Variants in TMPPE observed in about 807,000 individuals in gnomAD.
TMPPE encodes transmembrane protein with metallophosphoesterase domain.
A neutral mutation model predicts 22.6 loss-of-function variants in TMPPE; 16 were observed. The observed-to-expected ratio is 0.71, with a 90% CI of 0.48 to 1.08. The LOEUF is 1.08. TMPPE is among the 50% of genes least tolerant of loss of function. TMPPE has a pLI of 0.00. For synonymous variants in TMPPE, 240 were observed against 245.3 expected (o/e 0.98, Z 0.20); for missense variants, 526 against 584.3 (o/e 0.90, Z 1.03).
chr3:33,092,881 C>G lies in TMPPE; in HGVS notation c.1315G>C (p.Gly439Arg). 1 of 1,613,436 alleles carries G rather than the reference C, an allele frequency of 6.2e-7. No individual in the cohort carries two copies. Among genetic ancestry groups the G allele is most frequent in the Non-Finnish European group, 8.5e-7 (1 of 1,179,640 alleles). The change falls in exon 2 of 2, where the codon GGT becomes CGT. Residue 439 changes from glycine (G) to arginine (R), a missense_variant. Coordinates refer to ENST00000342462, the MANE Select transcript of TMPPE (RefSeq NM_001039770.3). ...AGCTCTGTGATCTCGGCCCTGCTAC[C>G]CAGCCTCATGGGTATCCCGTAGTAG... ...TAYYGIPMRL[G>R]SRAEITELIL...
Position 33,091,633 on chromosome 3 carries a change from G to A in TMPPE, c.*1201C>T. 1.0e-6 allele frequency: 1 copy of A among 984,284 alleles called. No homozygotes were observed. Among genetic ancestry groups the A allele is most frequent in the South Asian group, 4.7e-5 (1 of 21,270 alleles). The allele number at this position is 984,284 out of a possible 1,614,324, so 61.0% of individuals were successfully genotyped here. ...TCCCTCCTGACAAAACAATCTTGAG[G>A]TAGATACGATAATTATCCCCATTTT... On this transcript the variant is annotated 3_prime_UTR_variant, in exon 2 of 2. Transcript: ENST00000342462.
At position 33,096,808 on chromosome 3, in the gene TMPPE, A is replaced by G; in HGVS notation, c.-198T>C. Reference sequence around the variant, plus strand: ...ACGCACAAGCGACCGAGCTGCCTGGAAGGACGCGCGCCCCGCCCGGCCCGC... The same window carrying G: ...ACGCACAAGCGACCGAGCTGCCTGGGAGGACGCGCGCCCCGCCCGGCCCGC... On this transcript the variant is annotated 5_prime_UTR_variant, in exon 1 of 2. Transcript: ENST00000342462. 7.3e-7 allele frequency: 1 copy of G among 1,360,576 alleles called. No homozygotes were observed. The highest frequency in any genetic ancestry group is 9.4e-7 in the Non-Finnish European group (1 of 1,060,820). The allele number at this position is 1,360,576 out of a possible 1,614,324, so 84.3% of individuals were successfully genotyped here.
rs148801297 is a variant in TMPPE, at chr3:33,093,740, G to A, written c.456C>T (p.Val152=). Residue 152 remains valine (V), a synonymous_variant, in exon 2 of 2, where the codon GTC becomes GTT. Transcript: ENST00000342462. This position sits in a 1 kb window ranked among gnomAD's most constrained non-coding sequence, Gnocchi z 6.0. Reference sequence around the variant, plus strand: ...TCCTTGTCTTCTCAAGGCTGCCCACGACCCTACCACTGCGCCAGGCCAAGA... The same window carrying A: ...TCCTTGTCTTCTCAAGGCTGCCCACAACCCTACCACTGCGCCAGGCCAAGA... The part of the protein sequence containing the change: ...YQLLAWRSGR[V]VGSLEKTRKL... 148 of 1,613,854 alleles carry A rather than the reference G, an allele frequency of 9.2e-5. No homozygotes were observed. The highest frequency in any genetic ancestry group is 2.2e-4 in the Admixed American group (13 of 59,974).
At position 33,090,521 on chromosome 3, in the gene TMPPE, T is replaced by C. The variant is rs1700707858; in HGVS notation, c.*2313A>G. 2.0e-6 allele frequency: 2 copies of C among 985,432 alleles called. No homozygotes were observed. The highest frequency in any genetic ancestry group is 2.4e-6 in the Non-Finnish European group (2 of 829,924). 61.0% of individuals were successfully genotyped at this position (985,432 alleles called of 1,614,324 possible). A position where few individuals can be genotyped will look rare whatever the true frequency, so the allele number is the denominator to read the frequency against. On this transcript the variant is annotated 3_prime_UTR_variant, in exon 2 of 2. Coordinates refer to ENST00000342462, the MANE Select transcript of TMPPE (RefSeq NM_001039770.3). The stretch of plus-strand genomic sequence containing the variant: ...ATTTTCAAAAAGCATTGCATTTCAA[T>C]TTGCATCTAACAGATTAAAAATAAA...
At position 33,092,112 on chromosome 3, in the gene TMPPE, A is replaced by C; in HGVS notation, c.*722T>G. 1 of 985,474 alleles carries C rather than the reference A, an allele frequency of 1.0e-6. No homozygotes were observed. Among genetic ancestry groups the C allele is most frequent in the Non-Finnish European group, 1.2e-6 (1 of 830,000 alleles). 61.0% of individuals were successfully genotyped at this position (985,474 alleles called of 1,614,324 possible). A position where few individuals can be genotyped will look rare whatever the true frequency, so the allele number is the denominator to read the frequency against. The stretch of plus-strand genomic sequence containing the variant: ...GGAGGCAAAGCCCTCTGAATTCCTA[A>C]GCAGCCATGTTCTCACCATCACCGA... On this transcript the variant is annotated 3_prime_UTR_variant, in exon 2 of 2. Transcript: ENST00000342462.
At position 33,091,012 on chromosome 3, in the gene TMPPE, ATAACACG is replaced by A; in HGVS notation, c.*1815_*1821del. ...GATGTAAAATCAAGAAACCAGTGAAATAACACGTAACAGGTGAGTCAAACATTACCAG... is the reference window on the plus strand; with the variant it reads ...GATGTAAAATCAAGAAACCAGTGAAATAACAGGTGAGTCAAACATTACCAG... On this transcript the variant is annotated 3_prime_UTR_variant, in exon 2 of 2. Coordinates refer to ENST00000342462, the MANE Select transcript of TMPPE (RefSeq NM_001039770.3). 4.1e-6 allele frequency: 4 copies of A among 985,452 alleles called. No homozygotes were observed. Among genetic ancestry groups the A allele is most frequent in the Non-Finnish European group, 4.8e-6 (4 of 829,924 alleles). The allele number at this position is 985,452 out of a possible 1,614,324, so 61.0% of individuals were successfully genotyped here.
At chr3:33,096,507 A>G in intron 1 of TMPPE, 1 of 985,270 alleles carries the variant, frequency 1.0e-6, no homozygotes, top group Non-Finnish European at 1.2e-6. Flanking sequence ...AAGGAACAAG[A>G]TGCACGAAGA....
In TMPPE at chr3:33,094,315, A is replaced by G. The variant is rs1700911321; in HGVS notation, c.-108-12T>C. On this transcript the variant is annotated splice_polypyrimidine_tract_variant and intron_variant, in intron 1 of 1. Coordinates refer to ENST00000342462, the MANE Select transcript of TMPPE (RefSeq NM_001039770.3). ...CAGGTCAACTCCGCCTGCAACCAGGAACCAGCATCAGCTTTGTGGGATATT... is the reference window on the plus strand; with the variant it reads ...CAGGTCAACTCCGCCTGCAACCAGGGACCAGCATCAGCTTTGTGGGATATT... The G allele has an allele frequency of 1.4e-6, 2 of 1,478,094 alleles. No individual in the cohort carries two copies. Among genetic ancestry groups the G allele is most frequent in the Non-Finnish European group, 9.0e-7 (1 of 1,115,318 alleles). 91.6% of individuals were successfully genotyped at this position (1,478,094 alleles called of 1,614,324 possible).
At position 33,093,525 on chromosome 3, in the gene TMPPE, G is replaced by A; in HGVS notation, c.671C>T (p.Thr224Ile). Residue 224 changes from threonine (T) to isoleucine (I), a missense_variant, in exon 2 of 2, where the codon ACC becomes ATC. Transcript: ENST00000342462. The surrounding 1 kb of genome is among the most constrained non-coding windows in gnomAD (Gnocchi z 6.0). ...CATCCTCACAAACATTTCCATCTTG[G>A]TCCTGCCCACTGTGGGGCCCAAGTG... is the stretch of plus-strand genomic sequence containing the variant. ...DIHLGPTVGR[T>I]KMEMFVRMVN... The A allele has an allele frequency of 6.2e-7, 1 of 1,614,178 alleles. No individual in the cohort carries two copies. Among genetic ancestry groups the A allele is most frequent in the South Asian group, 1.1e-5 (1 of 91,080 alleles).
At position 33,094,141 on chromosome 3, in the gene TMPPE, T is replaced by C. The variant is rs1435533349; in HGVS notation, c.55A>G (p.Thr19Ala). 6.2e-7 allele frequency: 1 copy of C among 1,613,438 alleles called. No homozygotes were observed. Among genetic ancestry groups the C allele is most frequent in the Non-Finnish European group, 8.5e-7 (1 of 1,179,390 alleles). ...GAGGCGATCATGGACACGAAGACAG[T>C]GACAGCAGCCAGGGTGGCCTTCGCG... ...LGAKATLAAV[T>A]VFVSMIASRS... Residue 19 changes from threonine to alanine, a missense_variant, in exon 2 of 2, where the codon ACT becomes GCT. Physicochemically the swap from Thr to Ala is moderately conservative, Grantham distance 58. Coordinates refer to ENST00000342462, the MANE Select transcript of TMPPE (RefSeq NM_001039770.3).
Position 33,092,612 on chromosome 3 carries a change from C to T in TMPPE, c.*222G>A. On this transcript the variant is annotated 3_prime_UTR_variant, in exon 2 of 2. Transcript: ENST00000342462. ...AATATATGTGACCTTAGTGATCTCA[C>T]AAGTGCATCAAAAAAAGCAACTGGC... The T allele has an allele frequency of 7.4e-7, 1 of 1,359,302 alleles. No individual in the cohort carries two copies. The highest frequency in any genetic ancestry group is 9.5e-7 in the Non-Finnish European group (1 of 1,056,690). 84.2% of individuals were successfully genotyped at this position (1,359,302 alleles called of 1,614,324 possible).
rs61734781 is a variant in TMPPE, at chr3:33,093,659, G to C, written c.537C>G (p.Ala179=). 3.7e-6 allele frequency: 6 copies of C among 1,613,966 alleles called. No individual in the cohort carries two copies. Among genetic ancestry groups the C allele is most frequent in the Non-Finnish European group, 5.1e-6 (6 of 1,180,020 alleles). ...GGGGCTGCGCGGCATTCAGAATCCC[G>C]GCCACGCTGAGCACAGCAGTCACTC... The part of the protein sequence containing the change: ...AVGVTAVLSV[A]GILNAAQPPA... Residue 179 remains alanine, a synonymous_variant, in exon 2 of 2, where the codon GCC becomes GCG. Transcript: ENST00000342462. The surrounding 1 kb of genome is among the most constrained non-coding windows in gnomAD (Gnocchi z 6.0).
Position 33,093,900 on chromosome 3 carries a change from C to G in TMPPE, c.296G>C (p.Ser99Thr), listed in dbSNP as rs1266099614. The G allele has an allele frequency of 3.7e-6, 6 of 1,613,894 alleles. No homozygotes were observed. The highest frequency in any genetic ancestry group is 5.1e-6 in the Non-Finnish European group (6 of 1,179,978). ...CACTAAAAAGAACATGGTAAAGAAACTGGAATGGGCCAGGGCCAGAAATGC... is the reference window on the plus strand; with the variant it reads ...CACTAAAAAGAACATGGTAAAGAAAGTGGAATGGGCCAGGGCCAGAAATGC... ...VLAFLALAHSSFFTMFFLVAE... is the reference protein window; with the variant it reads ...VLAFLALAHSTFFTMFFLVAE... The change falls in exon 2 of 2, where the codon AGT becomes ACT. Residue 99 changes from serine (S) to threonine (T), a missense_variant. By Grantham distance (58) the Ser-to-Thr change is moderately conservative (BLOSUM62 1). Transcript: ENST00000342462. The surrounding 1 kb of genome is among the most constrained non-coding windows in gnomAD (Gnocchi z 6.0).
chr3:33,095,226 AAAAAAAAAAG>A (rs1269718811), intron 1 of TMPPE, among the ~76,000 whole-genome samples: 7 of 151,382 alleles, frequency 4.6e-5, no homozygotes, highest in African/African-American at 1.5e-4. Context: ...AAAAAAAAAA[AAAAAAAAAAG>A]GAATATTCTC....
rs7637099 is a variant in TMPPE at position 33,097,057 on chromosome 3, G to C, written c.-447C>G. The C allele has an allele frequency of 3.1e-6, 5 of 1,612,158 alleles. No homozygotes were observed. In the African/African-American group the frequency reaches 5.3e-5, roughly 17 times the overall value. ...CAGAAGCAGCAGAACCAGCAACAGA[G>C]GGAGGATGCGAACCAGGAACCCCGG... On this transcript the variant is annotated 5_prime_UTR_variant, in exon 1 of 2. Coordinates refer to ENST00000342462, the MANE Select transcript of TMPPE (RefSeq NM_001039770.3).
Position 33,092,327 on chromosome 3 carries a change from G to C in TMPPE, c.*507C>G, listed in dbSNP as rs547830265. ...AAAATATTCTTCTCTAGCAGCCAGA[G>C]GGCCCTTCCATCTTGCCTGTTCTCC... On this transcript the variant is annotated 3_prime_UTR_variant, in exon 2 of 2. Transcript: ENST00000342462. 2 of 987,350 alleles carry C rather than the reference G, an allele frequency of 2.0e-6. No individual in the cohort carries two copies. The highest frequency in any genetic ancestry group is 2.4e-6 in the Non-Finnish European group (2 of 831,374). 61.2% of individuals were successfully genotyped at this position (987,350 alleles called of 1,614,324 possible).
intron 1 of TMPPE, among the ~76,000 whole-genome samples, chr3:33,095,303 G>A (rs187400915): frequency 6.6e-6 from 1 of 151,746 alleles, no homozygotes; most frequent in Admixed American, 6.6e-5. Context: ...GGGTCACGAG[G>A]TCAGGAGATC....
rs57682151 is a variant in TMPPE, at chr3:33,092,587, A to C, written c.*247T>G. On this transcript the variant is annotated 3_prime_UTR_variant, in exon 2 of 2. Coordinates refer to ENST00000342462, the MANE Select transcript of TMPPE (RefSeq NM_001039770.3). ...CATCTGGAAAATAGAGGGGAGTGCTAATATATGTGACCTTAGTGATCTCAC... is the reference window on the plus strand; with the variant it reads ...CATCTGGAAAATAGAGGGGAGTGCTCATATATGTGACCTTAGTGATCTCAC... 10,533 of 1,287,862 alleles carry C rather than the reference A, an allele frequency of 8.2e-3. 369 individuals are homozygous for C. The African/African-American group carries it at 0.091, about 11-fold the overall frequency. 79.8% of individuals were successfully genotyped at this position (1,287,862 alleles called of 1,614,324 possible). A position where few individuals can be genotyped will look rare whatever the true frequency, so the allele number is the denominator to read the frequency against.
Position 33,092,500 on chromosome 3 carries a change from T to C in TMPPE, c.*334A>G. 1 of 1,078,316 alleles carries C rather than the reference T, an allele frequency of 9.3e-7. No individual in the cohort carries two copies. Among genetic ancestry groups the C allele is most frequent in the Non-Finnish European group, 1.1e-6 (1 of 888,216 alleles). 66.8% of individuals were successfully genotyped at this position (1,078,316 alleles called of 1,614,324 possible). On this transcript the variant is annotated 3_prime_UTR_variant, in exon 2 of 2. Coordinates refer to ENST00000342462, the MANE Select transcript of TMPPE (RefSeq NM_001039770.3). Reference sequence around the variant, plus strand: ...CCCACCTTCTAGAGGTATGCCTTTCTAGCAACCCCGAGGGGAGGTTCATCC... The same window carrying C: ...CCCACCTTCTAGAGGTATGCCTTTCCAGCAACCCCGAGGGGAGGTTCATCC...
Sources: allele counts gnomAD v4.1 joint callset (sites outside exome capture counted in the v4.1 genomes callset), GRCh38; gene constraint gnomAD v4.1.1; non-coding constraint Gnocchi (gnomAD v3.1); transcripts MANE v1.5; gene names NCBI Gene and HGNC (gene_info 2026-07-23, HGNC 2026-07-21).